Variants in PARD3B observed in about 807,000 individuals in gnomAD.
PARD3B encodes the protein par-3 family cell polarity regulator beta.
In PARD3B, 103 loss-of-function variants were observed where a neutral mutation model predicts 130.2. The ratio of observed to expected loss-of-function variants is 0.79; its 90% confidence interval spans 0.67 to 0.93. The LOEUF (loss-of-function observed/expected upper bound fraction) is 0.93, where lower values mean the gene tolerates loss of function less well. Among genes scored for constraint, PARD3B ranks in the 40% least tolerant of loss-of-function variants. PARD3B has a pLI of 0.00. For missense variants in PARD3B, 1,609 were observed against 1,499.2 expected (o/e 1.07, Z -1.21); for synonymous variants, 583 against 553.2 (o/e 1.05, Z -0.76).
intron 15 of PARD3B, among the ~76,000 whole-genome samples, chr2:205,211,228 G>A (rs759256131): frequency 6.8e-4 from 104 of 151,998 alleles, no homozygotes; most frequent in Admixed American, 6.6e-5. Context: ...ACAAAGACTG[G>A]CATCACCATA....
At chr2:204,891,452 A>G (rs2046442903) in intron 2 of PARD3B, among the ~76,000 whole-genome samples, 1 of 152,194 alleles carries the variant, frequency 6.6e-6, no homozygotes, top group African/African-American at 2.4e-5. Context: ...AGCAGATTTT[A>G]GAGCTCGATG....
intron 22 of PARD3B, among the ~76,000 whole-genome samples, chr2:205,573,251 G>A (rs2053622860): frequency 6.6e-6 from 1 of 152,192 alleles, no homozygotes; most frequent in Non-Finnish European, 1.5e-5. Flanking sequence ...AGGAAGGGAA[G>A]AGAGGCCTGT....
At chr2:204,551,630 C>T (rs1165318228) in intron 1 of PARD3B, among the ~76,000 whole-genome samples, 4 of 151,930 alleles carry the variant, frequency 2.6e-5, no homozygotes, top group Non-Finnish European at 4.4e-5. Flanking sequence ...TTTGCTGAAC[C>T]GGGTTTGGCT....
chr2:205,316,648 A>G (rs1180199647), intron 18 of PARD3B, among the ~76,000 whole-genome samples: 2 of 152,156 alleles, frequency 1.3e-5, no homozygotes, highest in Admixed American at 6.6e-5. Context: ...AGTAAGAGCT[A>G]AACTGTTAGG....
At chr2:204,710,758 T>C (rs1305427287) in intron 2 of PARD3B, among the ~76,000 whole-genome samples, 1 of 152,244 alleles carries the variant, frequency 6.6e-6, no homozygotes, top group Non-Finnish European at 1.5e-5. Flanking sequence ...GTTGGGGTCC[T>C]GGAATCTGTA....
At chr2:204,714,277 A>C (rs1237294495) in intron 2 of PARD3B, among the ~76,000 whole-genome samples, 3 of 152,148 alleles carry the variant, frequency 2.0e-5, no homozygotes, top group African/African-American at 7.2e-5. Context: ...ACATTTACTA[A>C]CTACAGCATT....
intron 15 of PARD3B, among the ~76,000 whole-genome samples, chr2:205,216,517 A>T (rs1053594419): frequency 2.0e-5 from 3 of 152,208 alleles, no homozygotes; most frequent in African/African-American, 7.2e-5. Flanking sequence ...TAATAAAATC[A>T]ATTGGCAGTA....
At chr2:205,340,822 G>A (rs2043496864) in intron 18 of PARD3B, among the ~76,000 whole-genome samples, 9 of 152,082 alleles carry the variant, frequency 5.9e-5, no homozygotes, top group Admixed American at 5.9e-4. Flanking sequence ...TCCACTCTGG[G>A]TGAAAATATT....
At chr2:205,151,954 C>T (rs1100394) in intron 10 of PARD3B, among the ~76,000 whole-genome samples, 117,021 of 152,138 alleles carry the variant, frequency 0.77, 45,324 homozygotes, top group Admixed American at 0.82. Flanking sequence ...AAGGCAGGCC[C>T]GGTAGTGACA....
intron 2 of PARD3B, among the ~76,000 whole-genome samples, chr2:204,942,833 GA>G (rs1486102249): frequency 2.0e-5 from 3 of 151,928 alleles, no homozygotes; most frequent in Non-Finnish European, 4.4e-5. Flanking sequence ...TTCTGTTAAA[GA>G]AAAAAATTAA....
chr2:205,211,806 C>G (rs13428878), intron 15 of PARD3B, among the ~76,000 whole-genome samples: 1,924 of 152,182 alleles, frequency 0.013, 13 homozygotes, highest in Middle Eastern at 0.027. Context: ...TCTGCTGATC[C>G]AGGAACTAAC....
rs2036663738 is a variant in PARD3B at position 204,678,541 on chromosome 2, A to C, written c.121-7640A>C. ...TAGAGCGGGGATGGTGCGGGAAGAA[A>C]GTAGTCTTTCCTTGAAGCCTGGCTG... is the stretch of plus-strand genomic sequence containing the variant. On this transcript the variant is annotated intron_variant, in intron 1 of 22. Coordinates refer to ENST00000406610, the MANE Select transcript of PARD3B (RefSeq NM_001302769.2). The surrounding 1 kb of genome is among the most constrained non-coding windows in gnomAD (Gnocchi z 4.2). 2.0e-5 allele frequency among the ~76,000 whole-genome samples: 3 copies of C among 152,136 alleles called. No homozygotes were observed. Among genetic ancestry groups the C allele is most frequent in the Non-Finnish European group, 2.9e-5 (2 of 68,034 alleles).
At position 205,125,471 on chromosome 2, in the gene PARD3B, C is replaced by T. The variant is rs1575864709; in HGVS notation, c.1306-138C>T. On this transcript the variant is annotated intron_variant, in intron 9 of 22. Transcript: ENST00000406610. The surrounding 1 kb of genome is among the most constrained non-coding windows in gnomAD (Gnocchi z 4.0). ...TATGGGAAATATTGTTGGGTTTTGC[C>T]CATGTATTTAGTTATCATCTTTTCA... The T allele has an allele frequency of 1.1e-6, 1 of 919,450 alleles. No homozygotes were observed. The highest frequency in any genetic ancestry group is 2.6e-5 in the East Asian group (1 of 38,362). 57.0% of individuals were successfully genotyped at this position (919,450 alleles called of 1,614,324 possible).
intron 4 of PARD3B, among the ~76,000 whole-genome samples, chr2:205,057,533 A>G (rs545548945): frequency 1.4e-5 from 2 of 146,388 alleles, no homozygotes; most frequent in East Asian, 4.0e-4. Context: ...GTATATATAC[A>G]TATATGTATA....
rs1165562263 is a variant in PARD3B at position 205,125,807 on chromosome 2, G to C, written c.1434+70G>C. 3.2e-6 allele frequency: 5 copies of C among 1,544,348 alleles called. No individual in the cohort carries two copies. Among genetic ancestry groups the C allele is most frequent in the Non-Finnish European group, 4.4e-6 (5 of 1,137,336 alleles). ...TAATACACTCAATGAACTCATTATA[G>C]CTGAGAAACGAGTTCTAAATCACAG... On this transcript the variant is annotated intron_variant, in intron 10 of 22. Transcript: ENST00000406610. This position sits in a 1 kb window ranked among gnomAD's most constrained non-coding sequence, Gnocchi z 4.0.
rs2038712937 is a variant in PARD3B at position 205,229,213 on chromosome 2, A to G, written c.2141-16565A>G. 6.6e-6 allele frequency among the ~76,000 whole-genome samples: 1 copy of G among 152,164 alleles called. No homozygotes were observed. The highest frequency in any genetic ancestry group is 2.4e-5 in the African/African-American group (1 of 41,440). ...CATTGAAGAGTTAGGTATTTATTGT[A>G]GTCTTTGCAGTCTGGGCTTGTTGTA... On this transcript the variant is annotated intron_variant, in intron 15 of 22. Coordinates refer to ENST00000406610, the MANE Select transcript of PARD3B (RefSeq NM_001302769.2). The surrounding 1 kb of genome is among the most constrained non-coding windows in gnomAD (Gnocchi z 5.2).
chr2:204,881,295 A>G (rs1034057805), intron 2 of PARD3B, among the ~76,000 whole-genome samples: 1 of 152,090 alleles, frequency 6.6e-6, no homozygotes, highest in Non-Finnish European at 1.5e-5. Context: ...CAGTTTAATT[A>G]TATTACTTAA....
At chr2:205,008,195 T>C (rs1695432158) in intron 3 of PARD3B, among the ~76,000 whole-genome samples, 1 of 152,172 alleles carries the variant, frequency 6.6e-6, no homozygotes, top group Admixed American at 6.5e-5. Flanking sequence ...AAAATTTTCT[T>C]ATCCAACTTG....
chr2:205,035,641 G>T (rs1697764595), intron 3 of PARD3B, among the ~76,000 whole-genome samples: 1 of 151,588 alleles, frequency 6.6e-6, no homozygotes, highest in South Asian at 2.1e-4. Context: ...CTTGCACAGT[G>T]GGTGTTGGGA....
Sources: gnomAD v4.1 joint callset for allele counts (sites outside exome capture counted in the v4.1 genomes callset) on GRCh38, gnomAD v4.1.1 for gene constraint, Gnocchi (gnomAD v3.1) non-coding constraint, MANE v1.5 for transcripts, NCBI Gene and HGNC (gene_info 2026-07-23, HGNC 2026-07-21) for gene names.